The following SLC9A2 variants were observed in gnomAD, a reference collection of about 807,000 sequenced individuals.
SLC9A2 encodes solute carrier family 9 member A2, also known as sodium/hydrogen exchanger 2.
In SLC9A2, 42 loss-of-function variants were observed where a neutral mutation model predicts 71.7. The observed-to-expected ratio is 0.59, with a 90% confidence interval of 0.46 to 0.76. The LOEUF is 0.76. Ranked by LOEUF, SLC9A2 falls within the 30% of genes least tolerant of loss-of-function variation. The pLI is 0.00. For synonymous variants in SLC9A2, 396 were observed against 392.5 expected (o/e 1.01, Z -0.10); for missense variants, 829 against 1,017.4 (o/e 0.81, Z 2.52).
At chr2:102,699,463 G>T (rs1217919855) in intron 7 of SLC9A2, among the ~76,000 whole-genome samples, 4 of 152,268 alleles carry the variant, frequency 2.6e-5, no homozygotes, top group Admixed American at 2.0e-4. Context: ...TATTTTTAAC[G>T]GGAGCACTTG....
At position 102,708,861 on chromosome 2, in the gene SLC9A2, A is replaced by G. The variant is rs1461674617; in HGVS notation, c.*372A>G. The G allele has an allele frequency of 4.8e-6, 1 of 207,066 alleles. No individual in the cohort carries two copies. The highest frequency in any genetic ancestry group is 1.3e-4 in the East Asian group (1 of 7,560). 12.8% of individuals were successfully genotyped at this position (207,066 alleles called of 1,614,324 possible). A position where few individuals can be genotyped will look rare whatever the true frequency, so the allele number is the denominator to read the frequency against. On this transcript the variant is annotated 3_prime_UTR_variant, in exon 12 of 12. Transcript: ENST00000233969. ...CTTCAAATTTTATTTATGAAAAAAT[A>G]TGTATATCTGTAATCAGTTGTTAAG... is the stretch of plus-strand genomic sequence containing the variant.
intron 1 of SLC9A2, among the ~76,000 whole-genome samples, chr2:102,632,239 CAT>C (rs369483748): frequency 1.8e-4 from 24 of 136,042 alleles, no homozygotes; most frequent in East Asian, 6.2e-4. Context: ...ATATATAATA[CAT>C]ATATATATAT....
intron 9 of SLC9A2, 120 bp downstream of exon 9, chr2:102,702,622 C>A: frequency 1.6e-6 from 1 of 624,920 alleles, no homozygotes; most frequent in Non-Finnish European, 2.9e-6. Context: ...CCATGCTGGG[C>A]ATCTTCTCTC....
intron 5 of SLC9A2, among the ~76,000 whole-genome samples, chr2:102,687,488 T>G (rs1191719074): frequency 6.6e-6 from 1 of 152,204 alleles, no homozygotes; most frequent in African/African-American, 2.4e-5. Context: ...CAAGTAAGAA[T>G]TATGTATTCT....
chr2:102,679,909 G>A (rs1008575398), intron 3 of SLC9A2, among the ~76,000 whole-genome samples: 2 of 152,176 alleles, frequency 1.3e-5, no homozygotes, highest in Non-Finnish European at 2.9e-5. Context: ...AGGGAATGGG[G>A]TGAATATGAG....
chr2:102,632,025 T>TACACACAC (rs1404734717), intron 1 of SLC9A2, among the ~76,000 whole-genome samples: 1,437 of 89,174 alleles, frequency 0.016, 147 homozygotes, highest in African/African-American at 0.053. Flanking sequence ...TATATATATA[T>TACACACAC]ATATATATAT....
intron 1 of SLC9A2, among the ~76,000 whole-genome samples, chr2:102,653,806 C>T (rs1186019548): frequency 6.6e-6 from 1 of 152,204 alleles, no homozygotes; most frequent in East Asian, 1.9e-4. Flanking sequence ...CTCCATGGAT[C>T]CTATGGCTTC....
chr2:102,632,047 C>T (rs1178383381), intron 1 of SLC9A2, among the ~76,000 whole-genome samples: 25 of 127,510 alleles, frequency 2.0e-4, no homozygotes, highest in African/African-American at 7.1e-4. Flanking sequence ...TACATACACA[C>T]ACACATATAT....
rs771641119 is a variant in SLC9A2, at chr2:102,665,195, C to T, written c.849C>T (p.Ile283=). Residue 283 remains isoleucine, a synonymous_variant, in exon 3 of 12, where the codon ATC becomes ATT. Coordinates refer to ENST00000233969, the MANE Select transcript of SLC9A2 (RefSeq NM_003048.6). Reference sequence around the variant, plus strand: ...TCGCCAACTTCTTTGTTGTGGGAATCGGTGGGGTGCTGATTGGCATCTTCT... The same window carrying T: ...TCGCCAACTTCTTTGTTGTGGGAATTGGTGGGGTGCTGATTGGCATCTTCT... ...AGIANFFVVG[I]GGVLIGIFLG... 2 of 1,613,768 alleles carry T rather than the reference C, an allele frequency of 1.2e-6. No individual in the cohort carries two copies. The highest frequency in any genetic ancestry group is 1.7e-5 in the Admixed American group (1 of 59,978).
At chr2:102,650,659 T>C (rs893960838) in intron 1 of SLC9A2, among the ~76,000 whole-genome samples, 1 of 152,248 alleles carries the variant, frequency 6.6e-6, no homozygotes, top group African/African-American at 2.4e-5. Flanking sequence ...GGTTAAATTA[T>C]GCTTTCTTTC....
intron 1 of SLC9A2, among the ~76,000 whole-genome samples, chr2:102,622,360 G>A (rs1406269301): frequency 6.6e-6 from 1 of 152,124 alleles, no homozygotes; most frequent in Non-Finnish European, 1.5e-5. Flanking sequence ...TCCATCGCTG[G>A]AGGGCTGCTT....
At chr2:102,703,600 G>C (rs1265845307) in intron 9 of SLC9A2, among the ~76,000 whole-genome samples, 1 of 152,194 alleles carries the variant, frequency 6.6e-6, no homozygotes, top group Non-Finnish European at 1.5e-5. Context: ...GTTAGCCTTA[G>C]ATGCTCAGTG....
chr2:102,676,798 A>G (rs1298142724), intron 3 of SLC9A2, among the ~76,000 whole-genome samples: 5 of 152,230 alleles, frequency 3.3e-5, no homozygotes, highest in African/African-American at 1.2e-4. Context: ...GCTTTAATCA[A>G]TACAGAAAAA....
intron 9 of SLC9A2, among the ~76,000 whole-genome samples, chr2:102,702,794 G>T (rs1195349136): frequency 1.3e-5 from 2 of 152,188 alleles, no homozygotes; most frequent in Non-Finnish European, 2.9e-5. Flanking sequence ...TTGTTTTAAA[G>T]AAATAGTTTT....
intron 2 of SLC9A2, among the ~76,000 whole-genome samples, chr2:102,664,011 C>T (rs951977983): frequency 2.0e-5 from 3 of 152,148 alleles, no homozygotes; most frequent in African/African-American, 7.2e-5. Flanking sequence ...CGTGGTGGCT[C>T]ATGCCTGTAA....
Position 102,619,891 on chromosome 2 carries a change from C to T in SLC9A2, c.43C>T (p.Pro15Ser). The change falls in exon 1 of 12, where the codon CCT (proline) becomes TCT (serine). Residue 15 changes from proline to serine, a missense_variant. Pro to Ser is a moderately conservative substitution (Grantham distance 74). This residue lies in a region of SLC9A2 where 106 missense variants were observed against 93.5 expected (regional missense o/e 1.13). Coordinates refer to ENST00000233969, the MANE Select transcript of SLC9A2 (RefSeq NM_003048.6). This position sits in a 1 kb window ranked among gnomAD's most constrained non-coding sequence, Gnocchi z 4.3. ...CTGGAGGAGCCTGCGGGCGCCACTG[C>T]CTCCGATGCTGTTGCTGCTGCTCCT... ...GNWRSLRAPL[P>S]PMLLLLLLQV... 1.9e-6 allele frequency: 3 copies of T among 1,576,182 alleles called. No homozygotes were observed. Among genetic ancestry groups the T allele is most frequent in the Non-Finnish European group, 2.6e-6 (3 of 1,159,084 alleles).
At chr2:102,669,659 C>A (rs540907484) in intron 3 of SLC9A2, among the ~76,000 whole-genome samples, 1 of 152,310 alleles carries the variant, frequency 6.6e-6, no homozygotes, top group South Asian at 2.1e-4. Flanking sequence ...GTGTTTTGAA[C>A]TTTATATTCA....
At chr2:102,704,415 G>A in intron 9 of SLC9A2, 129 bp from the exon 10 acceptor site, 1 of 693,170 alleles carries the variant, frequency 1.4e-6, no homozygotes, top group Non-Finnish European at 2.4e-6. Context: ...TTTTTGCTCT[G>A]CACAGAAGTT....
chr2:102,656,593 A>G (rs1053442928), intron 1 of SLC9A2, among the ~76,000 whole-genome samples: 4 of 152,188 alleles, frequency 2.6e-5, no homozygotes, highest in African/African-American at 7.2e-5. Context: ...AGGCATCCTG[A>G]CGAATTGATT....
Sources: gnomAD v4.1 joint callset for allele counts (sites outside exome capture counted in the v4.1 genomes callset) on GRCh38, gnomAD v4.1.1 for gene constraint, gnomAD v4.1.1 regional missense constraint, Gnocchi (gnomAD v3.1) non-coding constraint, MANE v1.5 for transcripts, NCBI Gene and HGNC (gene_info 2026-07-23, HGNC 2026-07-21) for gene names.